The following PCDHA8 variants were observed in gnomAD, a reference collection of about 807,000 sequenced individuals.
PCDHA8 encodes protocadherin alpha 8, also known as protocadherin alpha-8.
PCDHA8 carries 53 observed loss-of-function variants against 61.8 expected under a neutral mutation model. The ratio of observed to expected loss-of-function variants is 0.86; its 90% CI spans 0.69 to 1.08. The LOEUF (loss-of-function observed/expected upper bound fraction) is 1.08, where lower values mean the gene tolerates loss of function less well. Ranked by LOEUF, PCDHA8 falls within the 50% of genes least tolerant of loss-of-function variation. The probability of loss-of-function intolerance (pLI) is 0.00; values close to 1 mark genes in which losing one functional copy is unlikely to be tolerated. For missense variants in PCDHA8, 1,293 were observed against 1,245.0 expected (o/e 1.04, Z -0.58); for synonymous variants, 618 against 556.6 (o/e 1.11, Z -1.55).
intron 1 of PCDHA8, chr5:140,875,950 G>A: frequency 6.2e-7 from 1 of 1,614,166 alleles, no homozygotes; most frequent in South Asian, 1.1e-5. Flanking sequence ...CGCTTCTGAT[G>A]CGGATATCGG....
intron 1 of PCDHA8, chr5:140,850,811 C>T: frequency 6.3e-7 from 1 of 1,598,320 alleles, no homozygotes; most frequent in Non-Finnish European, 8.6e-7. Flanking sequence ...TCATGGCCTT[C>T]AGCCCGGGCC....
chr5:141,007,395 C>CAAAAAAAAAAAAAAAAAAAAAAAAAAA (rs35800918), intron 3 of PCDHA8, among the ~76,000 whole-genome samples: 1 of 94,866 alleles, frequency 1.1e-5, no homozygotes, highest in Non-Finnish European at 2.1e-5. Context: ...TACTAAAATA[C>CAAAAAAAAAAAAAAAAAAAAAAAAAAA]AAAAAAAAAA....
At chr5:140,949,597 C>T (rs1279469149) in intron 1 of PCDHA8, among the ~76,000 whole-genome samples, 1 of 151,600 alleles carries the variant, frequency 6.6e-6, no homozygotes, top group African/African-American at 2.4e-5. Flanking sequence ...TTAATGTGGC[C>T]ATTCTAGTCT....
At chr5:140,964,961 G>A (rs552220130) in intron 1 of PCDHA8, among the ~76,000 whole-genome samples, 1 of 152,320 alleles carries the variant, frequency 6.6e-6, no homozygotes, top group Non-Finnish European at 1.5e-5. Context: ...TTGGTTGGTG[G>A]AACGAAGGGA....
intron 3 of PCDHA8, among the ~76,000 whole-genome samples, chr5:141,005,688 C>T (rs1411519222): frequency 2.8e-5 from 3 of 107,694 alleles, no homozygotes; most frequent in African/African-American, 7.9e-5. Context: ...GGCGACAGAG[C>T]GAAACTCCGT....
intron 1 of PCDHA8, chr5:140,875,319 A>T: frequency 7.0e-7 from 1 of 1,428,968 alleles, no homozygotes; most frequent in South Asian, 1.6e-5. Context: ...CATTCCAATC[A>T]TTCACGGAAT....
rs2150339391 is a variant in PCDHA8 at position 140,842,566 on chromosome 5, C to T, written c.1245C>T (p.Arg415=). The change falls in exon 1 of 4, where the codon CGC becomes CGT. Residue 415 remains arginine, a synonymous_variant. Coordinates refer to ENST00000531613, the MANE Select transcript of PCDHA8 (RefSeq NM_018911.3). ...TGGTGCTGGACAGCGCCCTGGACCGCGAGAGAGTGTCGGCCTATGAGTTGG... is the reference window on the plus strand; with the variant it reads ...TGGTGCTGGACAGCGCCCTGGACCGTGAGAGAGTGTCGGCCTATGAGTTGG... The part of the protein sequence containing the change: ...YSLVLDSALD[R]ERVSAYELVV... The T allele has an allele frequency of 1.0e-5, 15 of 1,503,446 alleles. No individual in the cohort carries two copies. Among genetic ancestry groups the T allele is most frequent in the Non-Finnish European group, 1.4e-5 (15 of 1,107,054 alleles). 93.1% of individuals were successfully genotyped at this position (1,503,446 alleles called of 1,614,324 possible).
Position 140,927,804 on chromosome 5 carries a change from G to T in PCDHA8, c.2395-51145G>T, listed in dbSNP as rs112037348. The T allele has an allele frequency of 8.3e-4, 1,346 of 1,614,160 alleles. 11 individuals carry two copies. The African/African-American group carries it at 0.015, about 18-fold the overall frequency. On this transcript the variant is annotated intron_variant, in intron 1 of 3. Coordinates refer to ENST00000531613, the MANE Select transcript of PCDHA8 (RefSeq NM_018911.3). Reference sequence around the variant, plus strand: ...CTGCTTCACTAGGTCCGCCTGAAACGCTCTTGGAGGCATACATTGAGGCGA... The same window carrying T: ...CTGCTTCACTAGGTCCGCCTGAAACTCTCTTGGAGGCATACATTGAGGCGA...
At position 140,897,557 on chromosome 5, in the gene PCDHA8, A is replaced by G. The variant is rs2066188249; in HGVS notation, c.2394+53842A>G. Reference sequence around the variant, plus strand: ...GGCTGCATAGTCTTCCATGGTGTATATGTGCCACATTTTCTTAATCCAGTC... The same window carrying G: ...GGCTGCATAGTCTTCCATGGTGTATGTGTGCCACATTTTCTTAATCCAGTC... On this transcript the variant is annotated intron_variant, in intron 1 of 3. Coordinates refer to ENST00000531613, the MANE Select transcript of PCDHA8 (RefSeq NM_018911.3). Among the ~76,000 whole-genome samples, 4 of 151,994 alleles carry G rather than the reference A, an allele frequency of 2.6e-5. No individual in the cohort carries two copies. The South Asian group carries it at 8.3e-4, about 32-fold the overall frequency.
chr5:140,932,500 T>C (rs2088368568), intron 1 of PCDHA8, among the ~76,000 whole-genome samples: 3 of 151,914 alleles, frequency 2.0e-5, no homozygotes, highest in Non-Finnish European at 4.4e-5. Context: ...ATGTCATTTG[T>C]TAACAGTAGT....
chr5:140,976,545 T>C (rs781810490), intron 1 of PCDHA8, among the ~76,000 whole-genome samples: 1 of 152,078 alleles, frequency 6.6e-6, no homozygotes, highest in Non-Finnish European at 1.5e-5. Flanking sequence ...AGTAAGACCC[T>C]ATCTCATAAA....
rs1158226302 is a variant in PCDHA8, at chr5:140,856,812, T to C, written c.2394+13097T>C. 1.9e-6 allele frequency: 3 copies of C among 1,594,276 alleles called. 1 individual carries two copies. Among genetic ancestry groups the C allele is most frequent in the Non-Finnish European group, 2.6e-6 (3 of 1,164,510 alleles). ...GAAGTTAAGATGTATGAAAATCAAG[T>C]GAACCAAACATTAGTAATACGGCTC... On this transcript the variant is annotated intron_variant, in intron 1 of 3. Coordinates refer to ENST00000531613, the MANE Select transcript of PCDHA8 (RefSeq NM_018911.3).
chr5:140,868,098 A>G (rs972281563), intron 1 of PCDHA8: 22 of 152,120 alleles, frequency 1.4e-4, no homozygotes, highest in Admixed American at 1.0e-3. Context: ...AATGATAATA[A>G]AATTTATTTT....
chr5:140,975,841 G>T (rs1389959509), intron 1 of PCDHA8, among the ~76,000 whole-genome samples: 1 of 152,066 alleles, frequency 6.6e-6, no homozygotes, highest in Non-Finnish European at 1.5e-5. Context: ...TTATTCTTCA[G>T]TAATACTACA....
rs782473800 is a variant in PCDHA8 at position 140,927,043 on chromosome 5, T to C, written c.2395-51906T>C. On this transcript the variant is annotated intron_variant, in intron 1 of 3. Transcript: ENST00000531613. Reference sequence around the variant, plus strand: ...CTTGAGGCTGCCAGCGGCCGCTATGTCCTCGCGGAACTTTCGCTTCCTTTC... The same window carrying C: ...CTTGAGGCTGCCAGCGGCCGCTATGCCCTCGCGGAACTTTCGCTTCCTTTC... 11 of 1,612,262 alleles carry C rather than the reference T, an allele frequency of 6.8e-6. No homozygotes were observed. Among genetic ancestry groups the C allele is most frequent in the Non-Finnish European group, 9.3e-6 (11 of 1,178,916 alleles).
chr5:140,841,238 G>A lies in PCDHA8; in HGVS notation c.-84G>A. On this transcript the variant is annotated 5_prime_UTR_variant, in exon 1 of 4. Coordinates refer to ENST00000531613, the MANE Select transcript of PCDHA8 (RefSeq NM_018911.3). The stretch of plus-strand genomic sequence containing the variant: ...AAGGCCGAACAACGGGAGATGCAGC[G>A]GAATTGGATTAAAAGACTCTGAAAG... The A allele has an allele frequency of 5.4e-6, 8 of 1,482,530 alleles. No homozygotes were observed. Among genetic ancestry groups the A allele is most frequent in the Non-Finnish European group, 7.2e-6 (8 of 1,104,078 alleles). 91.8% of individuals were successfully genotyped at this position (1,482,530 alleles called of 1,614,324 possible).
At position 140,842,218 on chromosome 5, in the gene PCDHA8, G is replaced by C. The variant is rs1554138887; in HGVS notation, c.897G>C (p.Thr299=). 4 of 1,613,154 alleles carry C rather than the reference G, an allele frequency of 2.5e-6. No individual in the cohort carries two copies. Among genetic ancestry groups the C allele is most frequent in the Admixed American group, 1.7e-5 (1 of 60,000 alleles). ...ACCACTTTAGCATAGATCGAAATAC[G>C]GGAGAAATAGTGATTCGGGGTAATT... The part of the protein sequence containing the change: ...VIDHFSIDRN[T]GEIVIRGNLD... The change falls in exon 1 of 4, where the codon ACG becomes ACC. Residue 299 remains threonine (T), a synonymous_variant. Coordinates refer to ENST00000531613, the MANE Select transcript of PCDHA8 (RefSeq NM_018911.3).
chr5:140,841,825 A>G lies in PCDHA8; in HGVS notation c.504A>G (p.Leu168=), dbSNP rs1422577295. ...CAGATGTTGGAGCTAACTCCGTGTT[A>G]ACCTACAGGCTTAGCTCTCATGATT... ...SDADVGANSV[L]TYRLSSHDYF... Residue 168 remains leucine (L), a synonymous_variant, in exon 1 of 4, where the codon TTA becomes TTG. Transcript: ENST00000531613. The G allele has an allele frequency of 5.0e-6, 8 of 1,613,926 alleles. No individual in the cohort carries two copies. Among genetic ancestry groups the G allele is most frequent in the Non-Finnish European group, 6.8e-6 (8 of 1,179,866 alleles).
At position 140,927,971 on chromosome 5, in the gene PCDHA8, C is replaced by T. The variant is rs868922082; in HGVS notation, c.2395-50978C>T. On this transcript the variant is annotated intron_variant, in intron 1 of 3. Transcript: ENST00000531613. ...GACGCTGCCCCTGGCACAGTGATTGCTCTCTTTAGTGTAAAGGATGAAGAC... is the reference window on the plus strand; with the variant it reads ...GACGCTGCCCCTGGCACAGTGATTGTTCTCTTTAGTGTAAAGGATGAAGAC... 5.0e-6 allele frequency: 8 copies of T among 1,614,224 alleles called. No homozygotes were observed. In the African/African-American group the frequency reaches 9.3e-5, roughly 19 times the overall value.
Sources: gnomAD v4.1 joint callset for allele counts (sites outside exome capture counted in the v4.1 genomes callset) on GRCh38, gnomAD v4.1.1 for gene constraint, MANE v1.5 for transcripts, NCBI Gene and HGNC (gene_info 2026-07-23, HGNC 2026-07-21) for gene names.